MYO3A: variants seen among roughly 807,000 people sequenced by gnomAD.
MYO3A encodes myosin IIIA, also known as myosin-IIIa.
In MYO3A, 180 loss-of-function variants were observed where a neutral mutation model predicts 192.7. The ratio of observed to expected loss-of-function variants is 0.93; its 90% CI spans 0.83 to 1.06. The LOEUF (loss-of-function observed/expected upper bound fraction) is 1.06, where lower values mean the gene tolerates loss of function less well. Ranked by LOEUF, MYO3A falls within the 50% of genes least tolerant of loss-of-function variation. The probability of loss-of-function intolerance (pLI) is 0.00; values close to 1 mark genes in which losing one functional copy is unlikely to be tolerated. For missense variants in MYO3A, 1,896 were observed against 1,905.0 expected (o/e 1.00, Z 0.09); for synonymous variants, 628 against 645.3 (o/e 0.97, Z 0.41).
intron 4 of MYO3A, among the ~76,000 whole-genome samples, chr10:25,982,283 C>T (rs926325098): frequency 3.3e-5 from 5 of 152,086 alleles, no homozygotes; most frequent in African/African-American, 7.2e-5. Context: ...CTATCCCTGC[C>T]GCCACCTGGT....
chr10:26,011,257 T>C (rs1841638926), intron 6 of MYO3A, among the ~76,000 whole-genome samples: 1 of 152,070 alleles, frequency 6.6e-6, no homozygotes, highest in Admixed American at 6.6e-5. Context: ...GATGAAACCC[T>C]GTCTCTACTA....
At chr10:26,175,023 T>A (rs758372320) in intron 30 of MYO3A, among the ~76,000 whole-genome samples, 30 of 152,212 alleles carry the variant, frequency 2.0e-4, no homozygotes, top group Non-Finnish European at 2.9e-5. Context: ...AAAGTCTGCA[T>A]GTCACATCAT....
At chr10:26,201,674 G>C (rs1843682452) in intron 33 of MYO3A, among the ~76,000 whole-genome samples, 1 of 150,828 alleles carries the variant, frequency 6.6e-6, no homozygotes, top group Non-Finnish European at 1.5e-5. Context: ...CAGTCGACTG[G>C]GCGAGACTCC....
rs905103599 is a variant in MYO3A at position 26,047,129 on chromosome 10, T to G, written c.954-19846T>G. Reference sequence around the variant, plus strand: ...AAATATTTGTACATTTTCTTGTAATTTTATAATTATTTTGTTCAAAGAGAT... The same window carrying G: ...AAATATTTGTACATTTTCTTGTAATGTTATAATTATTTTGTTCAAAGAGAT... On this transcript the variant is annotated intron_variant, in intron 10 of 34. Coordinates refer to ENST00000642920, the MANE Select transcript of MYO3A (RefSeq NM_017433.5). Among the ~76,000 whole-genome samples the G allele has an allele frequency of 8.5e-5, 13 of 152,342 alleles. No homozygotes were observed. In the South Asian group the frequency reaches 1.4e-3, roughly 17 times the overall value.
chr10:26,162,653 G>A (rs139718794), intron 26 of MYO3A, among the ~76,000 whole-genome samples: 33 of 152,256 alleles, frequency 2.2e-4, no homozygotes, highest in African/African-American at 6.5e-4. Flanking sequence ...AGCATTTGAT[G>A]CAGTTTTATA....
chr10:26,157,552 T>C, intron 26 of MYO3A, 37 bp downstream of exon 26: 1 of 1,586,654 alleles, frequency 6.3e-7, no homozygotes, highest in Non-Finnish European at 8.7e-7. Flanking sequence ...ATTGTGCAGT[T>C]TATATAAAAA....
At chr10:25,999,714 A>C (rs1840665268) in intron 6 of MYO3A, among the ~76,000 whole-genome samples, 1 of 152,192 alleles carries the variant, frequency 6.6e-6, no homozygotes, top group African/African-American at 2.4e-5. Flanking sequence ...CAGGCACCTC[A>C]TACTCAGAAT....
At chr10:25,980,223 C>T (rs1197653053) in intron 4 of MYO3A, among the ~76,000 whole-genome samples, 13 of 146,312 alleles carry the variant, frequency 8.9e-5, no homozygotes, top group African/African-American at 2.8e-4. Flanking sequence ...GGCAACGGAG[C>T]GAGACTCCGT....
intron 10 of MYO3A, among the ~76,000 whole-genome samples, chr10:26,062,005 T>C (rs902988059): frequency 1.3e-5 from 2 of 151,768 alleles, no homozygotes; most frequent in Non-Finnish European, 2.9e-5. Flanking sequence ...ATTCAGCAAA[T>C]GTGGAGACCA....
intron 8 of MYO3A, 158 bp downstream of exon 8, chr10:26,021,806 A>G: frequency 4.0e-6 from 4 of 989,050 alleles, no homozygotes; most frequent in East Asian, 2.6e-5. Context: ...GAGACATTGT[A>G]TTTGTTCAGT....
Position 26,174,443 on chromosome 10 carries a change from G to T in MYO3A, c.4179G>T (p.Leu1393Phe). 1.2e-6 allele frequency: 2 copies of T among 1,614,170 alleles called. No homozygotes were observed. Among genetic ancestry groups the T allele is most frequent in the Non-Finnish European group, 1.7e-6 (2 of 1,180,030 alleles). ...AAGTAGCAAGAAACACTCATAATTT[G>T]TATTCCTATCCCACAAAACATGAGG... Reference protein sequence around the residue: ...PTEVARNTHNLYSYPTKHEEI... With the variant: ...PTEVARNTHNFYSYPTKHEEI... The change falls in exon 30 of 35, where the codon TTG (leucine) becomes TTT (phenylalanine). Residue 1393 changes from leucine (L) to phenylalanine (F), a missense_variant. By Grantham distance (22) the Leu-to-Phe change is conservative. Coordinates refer to ENST00000642920, the MANE Select transcript of MYO3A (RefSeq NM_017433.5).
intron 17 of MYO3A, among the ~76,000 whole-genome samples, chr10:26,120,102 G>A (rs553869986): frequency 2.5e-4 from 38 of 152,058 alleles, no homozygotes; most frequent in Admixed American, 1.0e-3. Flanking sequence ...AGGCAGAGGC[G>A]GTAGTGAGCT....
chr10:26,111,423 T>C (rs1375650236), intron 17 of MYO3A, among the ~76,000 whole-genome samples: 1 of 152,192 alleles, frequency 6.6e-6, no homozygotes, highest in Non-Finnish European at 1.5e-5. Flanking sequence ...TTGCTCTTGT[T>C]AGTCAGCCTA....
At chr10:26,129,417 T>C (rs1266182104) in intron 20 of MYO3A, among the ~76,000 whole-genome samples, 1 of 152,146 alleles carries the variant, frequency 6.6e-6, no homozygotes, top group Non-Finnish European at 1.5e-5. Context: ...CTCCCTCTCT[T>C]CCTCTTCTTG....
At position 26,212,268 on chromosome 10, in the gene MYO3A, C is replaced by CT. The variant is rs368369259; in HGVS notation, c.*314dup. On this transcript the variant is annotated 3_prime_UTR_variant, in exon 35 of 35. Transcript: ENST00000642920. ...TGTTCCCCTAATCTATCACTTTGTT[C>CT]TTTTTTTTTGTGACTCCTGTGGACT... 1.9e-3 allele frequency: 812 copies of CT among 438,750 alleles called. 6 individuals carry two copies. The highest frequency in any genetic ancestry group is 7.7e-3 in the African/African-American group (389 of 50,352). The allele number at this position is 438,750 out of a possible 1,614,324, so 27.2% of individuals were successfully genotyped here. A position where few individuals can be genotyped will look rare whatever the true frequency, so the allele number is the denominator to read the frequency against.
At position 26,024,056 on chromosome 10, in the gene MYO3A, T is replaced by C; in HGVS notation, c.766T>C (p.Trp256Arg). Residue 256 changes from tryptophan (W) to arginine (R), a missense_variant, in exon 9 of 35, where the codon TGG (tryptophan) becomes CGG (arginine). Coordinates refer to ENST00000642920, the MANE Select transcript of MYO3A (RefSeq NM_017433.5). ...PPPKLRQPEL[W>R]SAEFNDFISK... ...CCCAAAACTAAGGCAGCCTGAGCTA[T>C]GGTCAGCAGAATTCAATGACTTCAT... The C allele has an allele frequency of 6.2e-7, 1 of 1,613,292 alleles. No individual in the cohort carries two copies. The highest frequency in any genetic ancestry group is 8.5e-7 in the Non-Finnish European group (1 of 1,179,332).
intron 10 of MYO3A, among the ~76,000 whole-genome samples, chr10:26,048,423 A>G (rs985172781): frequency 6.6e-6 from 1 of 152,168 alleles, no homozygotes; most frequent in African/African-American, 2.4e-5. Flanking sequence ...AAAGAAAGAT[A>G]GGGAAATAAG....
At chr10:26,051,330 T>C (rs1026089900) in intron 10 of MYO3A, among the ~76,000 whole-genome samples, 6 of 151,936 alleles carry the variant, frequency 3.9e-5, no homozygotes, top group African/African-American at 1.4e-4. Context: ...GAAATAGAAG[T>C]CTAAATGATT....
intron 6 of MYO3A, among the ~76,000 whole-genome samples, chr10:26,007,721 G>C (rs1056336155): frequency 4.0e-5 from 6 of 150,414 alleles, no homozygotes; most frequent in Non-Finnish European, 5.9e-5. Flanking sequence ...CACTGCTCAA[G>C]GAAATAAAAG....
Sources: gnomAD v4.1 joint callset for allele counts (sites outside exome capture counted in the v4.1 genomes callset) on GRCh38, gnomAD v4.1.1 for gene constraint, MANE v1.5 for transcripts, NCBI Gene and HGNC (gene_info 2026-07-23, HGNC 2026-07-21) for gene names.